The following LOC128462377 variants were observed in gnomAD, a reference collection of about 807,000 sequenced individuals.
the LOC128462377 span, among the ~76,000 whole-genome samples, chr16:89,416,390 C>T: frequency 1.3e-5 from 2 of 152,060 alleles, no homozygotes; most frequent in African/African-American, 4.8e-5. Flanking sequence ...ACCTCCGCCT[C>T]CCAGTTCAAG....
chr16:89,387,924 C>T, the LOC128462377 span, among the ~76,000 whole-genome samples: 1 of 146,750 alleles, frequency 6.8e-6, no homozygotes, highest in African/African-American at 2.5e-5. Context: ...GCAGGAGAAT[C>T]GCTTCTTGAA....
the LOC128462377 span, chr16:89,361,747 T>A: frequency 6.6e-6 from 1 of 152,038 alleles, no homozygotes; most frequent in Non-Finnish European, 1.5e-5. Context: ...GATCACAAGT[T>A]ACAAAGATAA....
At chr16:89,345,162 A>G in the LOC128462377 span, among the ~76,000 whole-genome samples, 3 of 152,202 alleles carry the variant, frequency 2.0e-5, no homozygotes, top group African/African-American at 7.2e-5. Flanking sequence ...CAAACTCCCA[A>G]CATAACCACA....
the LOC128462377 span, among the ~76,000 whole-genome samples, chr16:89,407,519 T>G: frequency 6.6e-6 from 1 of 151,990 alleles, no homozygotes; most frequent in African/African-American, 2.4e-5. Context: ...CGCACACACC[T>G]AAGAAACAAA....
chr16:89,357,696 C>T, the LOC128462377 span, among the ~76,000 whole-genome samples: 1 of 152,208 alleles, frequency 6.6e-6, no homozygotes, highest in Non-Finnish European at 1.5e-5. Flanking sequence ...GAATGCCTGT[C>T]ACAGCCAATG....
chr16:89,319,028 T>G, the LOC128462377 span, among the ~76,000 whole-genome samples: 1 of 152,394 alleles, frequency 6.6e-6, no homozygotes, highest in Middle Eastern at 3.4e-3. Context: ...AGCTCATGGC[T>G]GTCTAGAAAC....
At chr16:89,375,271 T>C in the LOC128462377 span, among the ~76,000 whole-genome samples, 1,912 of 152,242 alleles carry the variant, frequency 0.013, 43 homozygotes, top group African/African-American at 0.043. Flanking sequence ...TCTCCAGAAA[T>C]TGTGTATCAC....
chr16:89,346,421 A>T, the LOC128462377 span, among the ~76,000 whole-genome samples: 16 of 152,178 alleles, frequency 1.1e-4, no homozygotes, highest in Non-Finnish European at 2.4e-4. Flanking sequence ...ATATAAAATC[A>T]TCCAATAATC....
the LOC128462377 span, among the ~76,000 whole-genome samples, chr16:89,411,962 C>T: frequency 7.1e-6 from 1 of 139,962 alleles, no homozygotes; most frequent in African/African-American, 2.7e-5. Flanking sequence ...CCCCATCCCT[C>T]CCCTCAGCCA....
the LOC128462377 span, among the ~76,000 whole-genome samples, chr16:89,402,546 G>A: frequency 1.3e-5 from 2 of 151,510 alleles, no homozygotes; most frequent in Admixed American, 1.3e-4. Context: ...TGCGTATGGT[G>A]CCGCACACCA....
At chr16:89,385,039 C>T in the LOC128462377 span, among the ~76,000 whole-genome samples, 1 of 151,684 alleles carries the variant, frequency 6.6e-6, no homozygotes. Context: ...GCACACACCA[C>T]CATGCCAGGC....
At chr16:89,409,983 G>T in the LOC128462377 span, among the ~76,000 whole-genome samples, 1 of 152,008 alleles carries the variant, frequency 6.6e-6, no homozygotes, top group Admixed American at 6.6e-5. Context: ...GGGACTACAG[G>T]CGCCCGCCAC....
At chr16:89,383,741 G>A in the LOC128462377 span, among the ~76,000 whole-genome samples, 4 of 151,932 alleles carry the variant, frequency 2.6e-5, no homozygotes, top group South Asian at 2.1e-4. Context: ...CCCTGCACTC[G>A]GACCAGCAAA....
the LOC128462377 span, among the ~76,000 whole-genome samples, chr16:89,396,877 G>A: frequency 6.6e-6 from 1 of 152,096 alleles, no homozygotes; most frequent in African/African-American, 2.4e-5. Flanking sequence ...AGTAAAGACG[G>A]GGTTTCACCA....
chr16:89,363,650 T>A, the LOC128462377 span, among the ~76,000 whole-genome samples: 1 of 152,208 alleles, frequency 6.6e-6, no homozygotes, highest in Non-Finnish European at 1.5e-5. Context: ...ACTCACTTTA[T>A]GTCCACCAAG....
At chr16:89,351,560 C>A in the LOC128462377 span, among the ~76,000 whole-genome samples, 1 of 152,200 alleles carries the variant, frequency 6.6e-6, no homozygotes, top group African/African-American at 2.4e-5. Context: ...TCGGGCAGGT[C>A]TGTAAGTTAA....
the LOC128462377 span, among the ~76,000 whole-genome samples, chr16:89,379,924 T>TTTTCCA: frequency 1.3e-5 from 2 of 152,126 alleles, no homozygotes; most frequent in Admixed American, 1.3e-4. Flanking sequence ...ACCTTTTCAG[T>TTTTCCA]TTTCCAATCA....
chr16:89,359,751 C>T, the LOC128462377 span, among the ~76,000 whole-genome samples: 1 of 152,146 alleles, frequency 6.6e-6, no homozygotes, highest in East Asian at 1.9e-4. Context: ...CAACAGCCAG[C>T]AGAAGATGTT....
At chr16:89,369,420 G>T in the LOC128462377 span, among the ~76,000 whole-genome samples, 1 of 152,370 alleles carries the variant, frequency 6.6e-6, no homozygotes, top group South Asian at 2.1e-4. Flanking sequence ...GATGCCTGCT[G>T]CAGCAAGGGT....
Sources: allele counts gnomAD v4.1 joint callset (sites outside exome capture counted in the v4.1 genomes callset), GRCh38; gene constraint gnomAD v4.1.1; transcripts MANE v1.5.